ATP6V0D1: variants seen among roughly 807,000 people sequenced by gnomAD.
ATP6V0D1 encodes the protein V-type proton ATPase subunit d 1.
A neutral mutation model predicts 39.0 loss-of-function variants in ATP6V0D1; 13 were observed. The ratio of observed to expected loss-of-function variants is 0.33; its 90% CI spans 0.22 to 0.53. The LOEUF is 0.53. Ranked by LOEUF, ATP6V0D1 falls within the 20% of genes least tolerant of loss-of-function variation. The pLI is 0.94. For synonymous variants in ATP6V0D1, 191 were observed against 191.2 expected, an observed-to-expected ratio of 1.00 and a Z score of 0.01; for missense variants, 272 against 470.9, an observed-to-expected ratio of 0.58 and a Z score of 3.91.
intron 2 of ATP6V0D1, chr16:67,452,312 C>A (rs1174057243): frequency 6.5e-7 from 1 of 1,535,746 alleles, no homozygotes. Flanking sequence ...TGCTTCCTAG[C>A]TTGGGCATGT....
chr16:67,452,790 G>A (rs1373434248), intron 2 of ATP6V0D1, among the ~76,000 whole-genome samples: 6 of 152,060 alleles, frequency 3.9e-5, no homozygotes, highest in South Asian at 4.1e-4. Context: ...TGCCCTCCCC[G>A]TGCAGTCCAG....
chr16:67,463,051 G>A (rs1450061429), intron 1 of ATP6V0D1, among the ~76,000 whole-genome samples: 2 of 152,188 alleles, frequency 1.3e-5, no homozygotes, highest in Non-Finnish European at 2.9e-5. Flanking sequence ...AAGCAGGTCA[G>A]GCTGGATCCT....
chr16:67,449,202 G>T (rs1475792764), intron 2 of ATP6V0D1, among the ~76,000 whole-genome samples: 1 of 152,238 alleles, frequency 6.6e-6, no homozygotes, highest in Non-Finnish European at 1.5e-5. Flanking sequence ...GGTGGTGCAG[G>T]TTACCCATGC....
intron 2 of ATP6V0D1, chr16:67,452,213 C>A (rs757416171): frequency 6.5e-6 from 10 of 1,533,402 alleles, no homozygotes; most frequent in Non-Finnish European, 7.9e-6. Context: ...CAGCCTCCTG[C>A]CCCAGTAGGT....
rs1351675082 is a variant in ATP6V0D1 at position 67,473,214 on chromosome 16, TG to T, written c.130+7742del. ...TTCCCACCTCTTGGCCTGGCTAATT[TG>T]GGGCTGGGGGGGGTGGCGCAGCAAC... On this transcript the variant is annotated intron_variant, in intron 1 of 7. Transcript: ENST00000290949. 2.6e-5 allele frequency among the ~76,000 whole-genome samples: 4 copies of T among 152,256 alleles called. No individual in the cohort carries two copies. The East Asian group carries it at 7.7e-4, about 29-fold the overall frequency.
intron 3 of ATP6V0D1, chr16:67,443,543 C>A: frequency 4.3e-6 from 1 of 232,758 alleles, no homozygotes; most frequent in Non-Finnish European, 8.6e-6. Context: ...GGCCTAACGC[C>A]TACTTCTCTA....
intron 1 of ATP6V0D1, among the ~76,000 whole-genome samples, chr16:67,473,014 C>G (rs2041386484): frequency 6.6e-6 from 1 of 152,076 alleles, no homozygotes; most frequent in Admixed American, 6.6e-5. Context: ...GCAATATGTC[C>G]TTCTAAGACA....
At chr16:67,462,165 C>A (rs547366944) in intron 1 of ATP6V0D1, among the ~76,000 whole-genome samples, 1 of 152,288 alleles carries the variant, frequency 6.6e-6, no homozygotes, top group Admixed American at 6.5e-5. Flanking sequence ...CCCACCCAGG[C>A]CTGAAGGCTC....
intron 2 of ATP6V0D1, among the ~76,000 whole-genome samples, chr16:67,446,609 T>A (rs2041118837): frequency 6.6e-6 from 1 of 152,102 alleles, no homozygotes; most frequent in Admixed American, 6.5e-5. Flanking sequence ...GCATATTTTC[T>A]ACCCCGGACA....
chr16:67,438,377 A>C lies in ATP6V0D1; in HGVS notation c.*151T>G. Reference sequence around the variant, plus strand: ...GAACAGTCTCTAAGAGGGTCAGGAGAACTGGGCAGCCGCTAGGACAGCGTA... The same window carrying C: ...GAACAGTCTCTAAGAGGGTCAGGAGCACTGGGCAGCCGCTAGGACAGCGTA... On this transcript the variant is annotated 3_prime_UTR_variant, in exon 8 of 8. Coordinates refer to ENST00000290949, the MANE Select transcript of ATP6V0D1 (RefSeq NM_004691.5). 1 of 922,308 alleles carries C rather than the reference A, an allele frequency of 1.1e-6. No individual in the cohort carries two copies. The highest frequency in any genetic ancestry group is 1.7e-5 in the South Asian group (1 of 59,822). The allele number at this position is 922,308 out of a possible 1,614,324, so 57.1% of individuals were successfully genotyped here.
At chr16:67,440,103 C>T (rs1225064706) in intron 4 of ATP6V0D1, 1 of 152,256 alleles carries the variant, frequency 6.6e-6, no homozygotes, top group Non-Finnish European at 1.5e-5. Context: ...GACTGAGTGC[C>T]CCCGGCCCTC....
intron 4 of ATP6V0D1, 35 bp downstream of exon 4, chr16:67,443,064 C>T (rs767958688): frequency 5.0e-6 from 8 of 1,608,738 alleles, no homozygotes; most frequent in Non-Finnish European, 6.8e-6. Context: ...CACCCACCGA[C>T]AGGCCAATCC....
intron 2 of ATP6V0D1, chr16:67,452,195 C>A (rs1473346812): frequency 6.5e-7 from 1 of 1,530,218 alleles, no homozygotes; most frequent in East Asian, 2.4e-5. Flanking sequence ...CAAGAGACAC[C>A]CCATTACCAG....
chr16:67,443,165 C>T lies in ATP6V0D1; in HGVS notation c.495G>A (p.Gln165=), dbSNP rs1385530193. ...LVDTPLAAFF[Q]DCISEQDLDE... ...CAAGGTCCTGCTCTGAAATGCAGTC[C>T]TGGAAAAAAGCCGCTGGGGAGGAAA... is the stretch of plus-strand genomic sequence containing the variant. Residue 165 remains glutamine (Q), a synonymous_variant, in exon 4 of 8, where the codon CAG becomes CAA. Coordinates refer to ENST00000290949, the MANE Select transcript of ATP6V0D1 (RefSeq NM_004691.5). 7 of 1,613,994 alleles carry T rather than the reference C, an allele frequency of 4.3e-6. No homozygotes were observed. The South Asian group carries it at 7.7e-5, about 18-fold the overall frequency.
At chr16:67,446,892 T>A (rs1011390926) in intron 2 of ATP6V0D1, among the ~76,000 whole-genome samples, 2 of 152,100 alleles carry the variant, frequency 1.3e-5, no homozygotes, top group Admixed American at 6.5e-5. Flanking sequence ...CCAGCCCCAC[T>A]GTCAGAGCAG....
Position 67,453,492 on chromosome 16 carries a change from G to T in ATP6V0D1, c.302+52C>A. ...GCCACACTGAACCCAGCTCCTGCAG[G>T]TGTAGCTATCCTGCCCAGGTAAGAG... On this transcript the variant is annotated intron_variant, in intron 2 of 7. Transcript: ENST00000290949. The surrounding 1 kb of genome is among the most constrained non-coding windows in gnomAD (Gnocchi z 4.1). 6.3e-7 allele frequency: 1 copy of T among 1,595,238 alleles called. No individual in the cohort carries two copies. The highest frequency in any genetic ancestry group is 8.6e-7 in the Non-Finnish European group (1 of 1,167,120).
At position 67,452,352 on chromosome 16, in the gene ATP6V0D1, G is replaced by T. The variant is rs894844247; in HGVS notation, c.302+1192C>A. 12 of 1,535,716 alleles carry T rather than the reference G, an allele frequency of 7.8e-6. No individual in the cohort carries two copies. In the Admixed American group the frequency reaches 2.4e-4, roughly 30 times the overall value. On this transcript the variant is annotated intron_variant, in intron 2 of 7. Coordinates refer to ENST00000290949, the MANE Select transcript of ATP6V0D1 (RefSeq NM_004691.5). ...TGGCCCTTCAGGTGTCCCAGCCTCTGACTCCTGCCTGAGAATGGAGCCCTT... is the reference window on the plus strand; with the variant it reads ...TGGCCCTTCAGGTGTCCCAGCCTCTTACTCCTGCCTGAGAATGGAGCCCTT...
Position 67,453,747 on chromosome 16 carries a change from C to G in ATP6V0D1, c.131-32G>C. ...CCCAAGGGTAGGGGGTAAGGGCTAG[C>G]CTTGCTGGGCCTCCCCAAGGGTCCC... On this transcript the variant is annotated intron_variant, in intron 1 of 7. Coordinates refer to ENST00000290949, the MANE Select transcript of ATP6V0D1 (RefSeq NM_004691.5). This position sits in a 1 kb window ranked among gnomAD's most constrained non-coding sequence, Gnocchi z 4.1. 2.5e-6 allele frequency: 4 copies of G among 1,605,338 alleles called. No individual in the cohort carries two copies. The highest frequency in any genetic ancestry group is 3.4e-6 in the Non-Finnish European group (4 of 1,175,720).
At chr16:67,452,418 G>T in intron 2 of ATP6V0D1, 1 of 1,534,850 alleles carries the variant, frequency 6.5e-7, no homozygotes, top group Non-Finnish European at 8.7e-7. Flanking sequence ...CTGGGCAAGT[G>T]GCTCCTAACT....
Sources: allele counts gnomAD v4.1 joint callset (sites outside exome capture counted in the v4.1 genomes callset), GRCh38; gene constraint gnomAD v4.1.1; non-coding constraint Gnocchi (gnomAD v3.1); transcripts MANE v1.5; gene names NCBI Gene and HGNC (gene_info 2026-07-23, HGNC 2026-07-21).